TAFA5: variants seen among roughly 807,000 people sequenced by gnomAD.
TAFA5 encodes the protein chemokine-like protein TAFA-5.
In TAFA5, 6 loss-of-function variants were observed where a neutral mutation model predicts 15.3. That is an observed-to-expected ratio of 0.39 (90% CI 0.21 to 0.77). The LOEUF (loss-of-function observed/expected upper bound fraction) is 0.77, where lower values mean the gene tolerates loss of function less well. TAFA5 is among the 30% of genes least tolerant of loss of function. The probability of loss-of-function intolerance (pLI) is 0.41; values close to 1 mark genes in which losing one functional copy is unlikely to be tolerated. For missense variants in TAFA5, 161 were observed against 193.1 expected, an observed-to-expected ratio of 0.83 and a Z score of 0.98; for synonymous variants, 103 against 80.7, an observed-to-expected ratio of 1.28 and a Z score of -1.48.
At chr22:48,691,239 C>T (rs1287052491) in intron 2 of TAFA5, among the ~76,000 whole-genome samples, 1 of 152,160 alleles carries the variant, frequency 6.6e-6, no homozygotes, top group Non-Finnish European at 1.5e-5. Flanking sequence ...GGCCCCTTCC[C>T]TTGTTTGCCA....
chr22:48,703,064 CATGT>C (rs1928963766), intron 2 of TAFA5, among the ~76,000 whole-genome samples: 2 of 152,156 alleles, frequency 1.3e-5, no homozygotes, highest in Non-Finnish European at 2.9e-5. Context: ...TGTGTGCATG[CATGT>C]GTGTGCGTGA....
Position 48,552,386 on chromosome 22 carries a change from T to G in TAFA5, c.112+62682T>G, listed in dbSNP as rs1922886737. Among the ~76,000 whole-genome samples, 1 of 152,102 alleles carries G rather than the reference T, an allele frequency of 6.6e-6. No homozygotes were observed. The highest frequency in any genetic ancestry group is 2.1e-4 in the South Asian group (1 of 4,830). On this transcript the variant is annotated intron_variant, in intron 1 of 3. Coordinates refer to ENST00000402357, the MANE Select transcript of TAFA5 (RefSeq NM_001082967.3). This position sits in a 1 kb window ranked among gnomAD's most constrained non-coding sequence, Gnocchi z 4.1. ...GGAAACCTTCTCAGGGGGTCCCGTT[T>G]AGGAAACAAATCCCTCTGCTGATGT...
At chr22:48,657,102 G>A (rs757055780) in intron 2 of TAFA5, among the ~76,000 whole-genome samples, 30 of 152,248 alleles carry the variant, frequency 2.0e-4, no homozygotes, top group Non-Finnish European at 4.3e-4. Flanking sequence ...AAATGAAATT[G>A]ACAAATCTCT....
chr22:48,677,807 A>C (rs79198430), intron 2 of TAFA5, among the ~76,000 whole-genome samples: 4,683 of 152,204 alleles, frequency 0.031, 246 homozygotes, highest in African/African-American at 0.11. Flanking sequence ...CCACCCAAGC[A>C]CAGCTACAGG....
At chr22:48,614,059 G>A (rs982474137) in intron 1 of TAFA5, among the ~76,000 whole-genome samples, 8 of 152,340 alleles carry the variant, frequency 5.3e-5, no homozygotes, top group African/African-American at 7.2e-5. Context: ...CTGCACTTGC[G>A]AAGCGGTCCT....
In TAFA5 at chr22:48,738,613, G is replaced by A. The variant is rs533125661; in HGVS notation, c.391-11226G>A. 6.6e-5 allele frequency among the ~76,000 whole-genome samples: 10 copies of A among 152,040 alleles called. No individual in the cohort carries two copies. The South Asian group carries it at 1.7e-3, about 25-fold the overall frequency. On this transcript the variant is annotated intron_variant, in intron 3 of 3. Transcript: ENST00000402357. ...AGCCTCCTCACCTGAGACCATCTGC[G>A]CCAATAATCACATTATTAAGTGAGG...
At chr22:48,704,423 C>T (rs536043950) in intron 2 of TAFA5, among the ~76,000 whole-genome samples, 1 of 152,204 alleles carries the variant, frequency 6.6e-6, no homozygotes, top group East Asian at 1.9e-4. Flanking sequence ...TGGCTTTCTG[C>T]AGGAATAGAA....
In TAFA5 at chr22:48,598,433, G is replaced by A. The variant is rs1924847391; in HGVS notation, c.113-48164G>A. ...GGGGCTGGCGCTGTGATCGTGCTTA[G>A]TGTTTATGGCGTGGGGCTGAGGGAG... On this transcript the variant is annotated intron_variant, in intron 1 of 3. Transcript: ENST00000402357. This position sits in a 1 kb window ranked among gnomAD's most constrained non-coding sequence, Gnocchi z 4.0. Among the ~76,000 whole-genome samples, 2 of 152,172 alleles carry A rather than the reference G, an allele frequency of 1.3e-5. No individual in the cohort carries two copies. The highest frequency in any genetic ancestry group is 6.5e-5 in the Admixed American group (1 of 15,284).
chr22:48,738,577 G>C (rs904721399), intron 3 of TAFA5, among the ~76,000 whole-genome samples: 1 of 152,230 alleles, frequency 6.6e-6, no homozygotes, highest in Non-Finnish European at 1.5e-5. Flanking sequence ...AGTGAGGAGT[G>C]ATTGCACCAC....
At chr22:48,521,870 G>C (rs1416770483) in intron 1 of TAFA5, among the ~76,000 whole-genome samples, 1 of 151,866 alleles carries the variant, frequency 6.6e-6, no homozygotes, top group African/African-American at 2.4e-5. Context: ...ATCGGGGCCA[G>C]GATGAGCTTC....
intron 2 of TAFA5, among the ~76,000 whole-genome samples, chr22:48,698,099 GTGGTGGTGGTGGTGATGATAGCGA>G (rs1329918095): frequency 6.7e-6 from 1 of 149,864 alleles, no homozygotes; most frequent in African/African-American, 2.5e-5. Flanking sequence ...GATAATGGTG[GTGGTGGTGGTGGTGATGATAGCGA>G]TGGTGGTGGT....
intron 2 of TAFA5, among the ~76,000 whole-genome samples, chr22:48,676,293 G>A (rs1927968973): frequency 6.6e-6 from 1 of 152,230 alleles, no homozygotes; most frequent in Non-Finnish European, 1.5e-5. Context: ...GGCCACAGGT[G>A]GGAGGACACC....
intron 1 of TAFA5, among the ~76,000 whole-genome samples, chr22:48,567,317 G>C (rs760408506): frequency 6.6e-6 from 1 of 150,968 alleles, no homozygotes; most frequent in Non-Finnish European, 1.5e-5. Flanking sequence ...ATCTGTTTCC[G>C]AGGACTGCGG....
chr22:48,608,012 A>G (rs1346031906), intron 1 of TAFA5, among the ~76,000 whole-genome samples: 2 of 121,794 alleles, frequency 1.6e-5, no homozygotes, highest in East Asian at 3.9e-4. Context: ...GGGAACGTGG[A>G]GGGAATTCTC....
At chr22:48,556,004 CAG>C (rs1224597588) in intron 1 of TAFA5, among the ~76,000 whole-genome samples, 2 of 152,286 alleles carry the variant, frequency 1.3e-5, no homozygotes, top group South Asian at 2.1e-4. Context: ...GTCCTGTGGG[CAG>C]AGTCTTCTGA....
chr22:48,661,180 C>A (rs1388884451), intron 2 of TAFA5, among the ~76,000 whole-genome samples: 2 of 152,172 alleles, frequency 1.3e-5, no homozygotes, highest in South Asian at 4.1e-4. Context: ...GGGTCACTGG[C>A]GTACTGCTGG....
intron 2 of TAFA5, among the ~76,000 whole-genome samples, chr22:48,680,351 T>G (rs1417080517): frequency 6.6e-6 from 1 of 152,198 alleles, no homozygotes; most frequent in Non-Finnish European, 1.5e-5. Context: ...TCGAGGAGAC[T>G]TTAGTGCACA....
At chr22:48,523,144 C>T (rs1921663038) in intron 1 of TAFA5, among the ~76,000 whole-genome samples, 1 of 152,228 alleles carries the variant, frequency 6.6e-6, no homozygotes, top group Non-Finnish European at 1.5e-5. Flanking sequence ...TCCATCTCCT[C>T]CCCTGCCGCT....
chr22:48,671,024 G>C (rs770476380), intron 2 of TAFA5, among the ~76,000 whole-genome samples: 4 of 152,220 alleles, frequency 2.6e-5, no homozygotes, highest in Admixed American at 6.5e-5. Flanking sequence ...GAATTTATTA[G>C]AAAATGCTAG....
Sources: allele counts gnomAD v4.1 joint callset (sites outside exome capture counted in the v4.1 genomes callset), GRCh38; gene constraint gnomAD v4.1.1; non-coding constraint Gnocchi (gnomAD v3.1); transcripts MANE v1.5; gene names NCBI Gene and HGNC (gene_info 2026-07-23, HGNC 2026-07-21).